The following DLEC1 variants were observed in gnomAD, a reference collection of about 807,000 sequenced individuals.
DLEC1 encodes the protein DLEC1 cilia and flagella associated protein.
Under a neutral mutation model 198.1 loss-of-function variants are expected in DLEC1, and 146 were observed. That is an observed-to-expected ratio of 0.74 (90% CI 0.64 to 0.85). The LOEUF (loss-of-function observed/expected upper bound fraction) is 0.85. DLEC1 is among the 40% of genes least tolerant of loss of function. The pLI is 0.00. For synonymous variants in DLEC1, 897 were observed against 866.8 expected, an observed-to-expected ratio of 1.03 and a Z score of -0.61; for missense variants, 2,233 against 2,220.0, an observed-to-expected ratio of 1.01 and a Z score of -0.12.
intron 9 of DLEC1, 61 bp downstream of exon 9, chr3:38,086,438 A>G: frequency 1.3e-6 from 2 of 1,556,978 alleles, no homozygotes; most frequent in Non-Finnish European, 1.7e-6. Flanking sequence ...AATAACCCCC[A>G]GAGGAACTTA....
intron 23 of DLEC1, among the ~76,000 whole-genome samples, chr3:38,110,723 G>T (rs1699820161): frequency 6.6e-6 from 1 of 152,110 alleles, no homozygotes; most frequent in Non-Finnish European, 1.5e-5. Context: ...GATCAGCAAA[G>T]CTACTATGTG....
rs201162821 is a variant in DLEC1, at chr3:38,062,675, G to A, written c.968G>A (p.Arg323Gln). The A allele has an allele frequency of 3.2e-5, 52 of 1,613,866 alleles. No homozygotes were observed. The highest frequency in any genetic ancestry group is 9.4e-5 in the African/African-American group (7 of 74,826). Residue 323 changes from arginine (R) to glutamine (Q), a missense_variant, in exon 5 of 37, where the codon CGG becomes CAG. Transcript: ENST00000308059. ...CTTCTGCTTGCCAGAATGGAGAGTC[G>A]GAACCACTTCCTAAAAAATCCCCGT... ...DRLLLARMES[R>Q]NHFLKNPRFF... is the part of the protein sequence containing the mutation.
Position 38,064,671 on chromosome 3 carries a change from G to T in DLEC1, c.1173+752G>T, listed in dbSNP as rs369105898. On this transcript the variant is annotated intron_variant, in intron 6 of 36. Coordinates refer to ENST00000308059, the MANE Select transcript of DLEC1 (RefSeq NM_007335.4). ...CCCACCTCCCGGACGGGGTGGCTGC[G>T]GGGCAGAGACACTCCTCAGTTCCCA... 6.3e-3 allele frequency among the ~76,000 whole-genome samples: 936 copies of T among 148,956 alleles called. 1 individual carries two copies. The highest frequency in any genetic ancestry group is 0.022 in the African/African-American group (858 of 39,390).
Position 38,117,190 on chromosome 3 carries a change from C to T in DLEC1, c.4306-18C>T. 6.2e-7 allele frequency: 1 copy of T among 1,614,108 alleles called. No individual in the cohort carries two copies. The highest frequency in any genetic ancestry group is 8.5e-7 in the Non-Finnish European group (1 of 1,179,994). On this transcript the variant is annotated intron_variant, in intron 30 of 36. Transcript: ENST00000308059. The stretch of plus-strand genomic sequence containing the variant: ...ACTCAGCCCAGGGATCAGCTGTGAT[C>T]AGACTTGGGCTCAGTAGGTGGAAAG...
In DLEC1 at chr3:38,059,745, A is replaced by C; in HGVS notation, c.566A>C (p.Lys189Thr). Residue 189 changes from lysine to threonine, a missense_variant, in exon 3 of 37, where the codon AAG (lysine) becomes ACG (threonine). By Grantham distance (78) the Lys-to-Thr change is moderately conservative. Transcript: ENST00000308059. Reference protein sequence around the residue: ...LESLVRLPPVKSVSRWCIDSE... With the variant: ...LESLVRLPPVTSVSRWCIDSE... Reference sequence around the variant, plus strand: ...TCTCCCCTTCCCTTCTATGAAGTGAAGAGTGTCTCCAGATGGTGTATAGAC... The same window carrying C: ...TCTCCCCTTCCCTTCTATGAAGTGACGAGTGTCTCCAGATGGTGTATAGAC... 1 of 1,613,544 alleles carries C rather than the reference A, an allele frequency of 6.2e-7. No homozygotes were observed. Among genetic ancestry groups the C allele is most frequent in the East Asian group, 2.2e-5 (1 of 44,872 alleles).
At chr3:38,099,710 T>G (rs1040519894) in intron 18 of DLEC1, among the ~76,000 whole-genome samples, 2 of 145,726 alleles carry the variant, frequency 1.4e-5, no homozygotes, top group African/African-American at 5.0e-5. Context: ...CTTTTCTTCC[T>G]GCTCTTTCCC....
chr3:38,122,661 A>C lies in DLEC1; in HGVS notation c.*249A>C, dbSNP rs1270518582. 3.0e-5 allele frequency: 44 copies of C among 1,452,512 alleles called. No homozygotes were observed. The highest frequency in any genetic ancestry group is 3.2e-5 in the Non-Finnish European group (35 of 1,104,164). The allele number at this position is 1,452,512 out of a possible 1,614,324, so 90.0% of individuals were successfully genotyped here. A position where few individuals can be genotyped will look rare whatever the true frequency, so the allele number is the denominator to read the frequency against. On this transcript the variant is annotated 3_prime_UTR_variant, in exon 37 of 37. Coordinates refer to ENST00000308059, the MANE Select transcript of DLEC1 (RefSeq NM_007335.4). ...ACATTGAGATCACTACTCAGTGCAT[A>C]GCGAAGACCAGTATGGCAAAATTAG...
In DLEC1 at chr3:38,114,421, C is replaced by T. The variant is rs1350834658; in HGVS notation, c.3746C>T (p.Ser1249Phe). ...CCCATCAGCTCCCTGAGGACCACCT[C>T]CTACACTATTGACCAGGCCCAGAAG... Reference protein sequence around the residue: ...GCPISSLRTTSYTIDQAQKEP... With the variant: ...GCPISSLRTTFYTIDQAQKEP... Residue 1249 changes from serine to phenylalanine, a missense_variant, in exon 26 of 37, where the codon TCC becomes TTC. By Grantham distance (155) the Ser-to-Phe change is radical (BLOSUM62 -2). Coordinates refer to ENST00000308059, the MANE Select transcript of DLEC1 (RefSeq NM_007335.4). The T allele has an allele frequency of 6.2e-7, 1 of 1,614,036 alleles. No homozygotes were observed. Among genetic ancestry groups the T allele is most frequent in the African/African-American group, 1.3e-5 (1 of 74,906 alleles).
Position 38,108,551 on chromosome 3 carries a change from AG to A in DLEC1, c.3129+38del, listed in dbSNP as rs772240123. On this transcript the variant is annotated intron_variant, in intron 21 of 36. Coordinates refer to ENST00000308059, the MANE Select transcript of DLEC1 (RefSeq NM_007335.4). ...CAATGTAGGGCCTGAGTGACCGGGA[AG>A]GCACCCTGCCAACCATACGCACCTG... 18 of 1,565,118 alleles carry A rather than the reference AG, an allele frequency of 1.2e-5. No individual in the cohort carries two copies. The South Asian group carries it at 2.0e-4, about 18-fold the overall frequency.
chr3:38,053,123 G>A (rs113211757), intron 2 of DLEC1, among the ~76,000 whole-genome samples: 8,722 of 152,114 alleles, frequency 0.057, 314 homozygotes, highest in Middle Eastern at 0.12. Context: ...GTGCAGTGGC[G>A]TGATCTCGGC....
intron 6 of DLEC1, among the ~76,000 whole-genome samples, chr3:38,070,757 C>G (rs1341299724): frequency 6.6e-6 from 1 of 152,142 alleles, no homozygotes; most frequent in Non-Finnish European, 1.5e-5. Context: ...AAGGTAATGT[C>G]ATCACTTAAG....
At chr3:38,116,688 TGGCCACTGAG>T (rs778993876) in intron 28 of DLEC1, 30 bp downstream of exon 28, 36 of 1,612,598 alleles carry the variant, frequency 2.2e-5, no homozygotes, top group South Asian at 7.7e-5. Flanking sequence ...CGGGGCAGGC[TGGCCACTGAG>T]GGCCACTGAG....
At chr3:38,043,024 A>G (rs1700729528) in intron 1 of DLEC1, among the ~76,000 whole-genome samples, 1 of 152,120 alleles carries the variant, frequency 6.6e-6, no homozygotes, top group Non-Finnish European at 1.5e-5. Context: ...GAGTGTCTGC[A>G]TTGCCTGAGT....
rs747150027 is a variant in DLEC1, at chr3:38,093,707, G to T, written c.1859G>T (p.Arg620Leu). The change falls in exon 12 of 37, where the codon CGA becomes CTA. Residue 620 changes from arginine (R) to leucine (L), a missense_variant. Transcript: ENST00000308059. Reference protein sequence around the residue: ...LTDLTAQHFIRFEPENLRSTA... With the variant: ...LTDLTAQHFILFEPENLRSTA... ...GACTTAACAGCCCAGCACTTCATAC[G>T]ATTTGAGCCTGAAAACCTTCGGTCC... The T allele has an allele frequency of 2.5e-6, 4 of 1,614,214 alleles. No homozygotes were observed. Among genetic ancestry groups the T allele is most frequent in the East Asian group, 2.2e-5 (1 of 44,884 alleles).
intron 30 of DLEC1, 51 bp downstream of exon 30, chr3:38,117,151 G>A: frequency 6.2e-7 from 1 of 1,614,078 alleles, no homozygotes; most frequent in Non-Finnish European, 8.5e-7. Flanking sequence ...TCCCTCCTGG[G>A]TAGCATGCTG....
intron 6 of DLEC1, among the ~76,000 whole-genome samples, chr3:38,076,179 G>C (rs529836584): frequency 2.6e-5 from 4 of 152,284 alleles, no homozygotes; most frequent in Admixed American, 6.5e-5. Flanking sequence ...GAGGTTGAGG[G>C]ATAGTGAGGG....
chr3:38,079,674 G>A (rs1234948016), intron 6 of DLEC1, among the ~76,000 whole-genome samples: 1 of 152,212 alleles, frequency 6.6e-6, no homozygotes, highest in Non-Finnish European at 1.5e-5. Flanking sequence ...GATGGGACGT[G>A]GCTTAGGAGA....
chr3:38,087,073 CAAAA>C (rs1357870514), intron 9 of DLEC1, among the ~76,000 whole-genome samples: 2 of 94,816 alleles, frequency 2.1e-5, no homozygotes, highest in African/African-American at 3.6e-5. Context: ...GACTCCATCT[CAAAA>C]AAAAAAAAAA....
intron 6 of DLEC1, among the ~76,000 whole-genome samples, chr3:38,071,015 G>A (rs576283009): frequency 2.9e-4 from 44 of 152,254 alleles, no homozygotes; most frequent in Admixed American, 2.3e-3. Context: ...TTGGGGGATG[G>A]TATGGAGAGA....
Sources: gnomAD v4.1 joint callset for allele counts (sites outside exome capture counted in the v4.1 genomes callset) on GRCh38, gnomAD v4.1.1 for gene constraint, MANE v1.5 for transcripts, NCBI Gene and HGNC (gene_info 2026-07-23, HGNC 2026-07-21) for gene names.